Variants in LRP1B observed in about 807,000 individuals in gnomAD.
LRP1B encodes the protein low-density lipoprotein receptor-related protein 1B.
A neutral mutation model predicts 556.6 loss-of-function variants in LRP1B; 217 were observed. That is an observed-to-expected ratio of 0.39 (90% CI 0.35 to 0.44). The LOEUF is 0.44. LRP1B is among the 20% of genes least tolerant of loss of function. LRP1B has a pLI of 1.00. For synonymous variants in LRP1B, 2,047 were observed against 1,865.8 expected (o/e 1.10, Z -2.50); for missense variants, 5,053 against 5,620.8 (o/e 0.90, Z 3.23).
chr2:140,971,442 T>A, intron 18 of LRP1B, among the ~76,000 whole-genome samples: 1 of 152,240 alleles, frequency 6.6e-6, no homozygotes, highest in East Asian at 1.9e-4. Context: ...TTCTGTTGTT[T>A]TAAGCCACCA....
At chr2:142,058,544 T>C (rs75392296) in intron 1 of LRP1B, among the ~76,000 whole-genome samples, 1,936 of 151,908 alleles carry the variant, frequency 0.013, 44 homozygotes, top group African/African-American at 0.044. Flanking sequence ...CGTTATGAGG[T>C]TTTTTTTGCA....
intron 20 of LRP1B, among the ~76,000 whole-genome samples, chr2:140,937,178 C>T (rs1435427586): frequency 1.3e-5 from 2 of 151,930 alleles, no homozygotes; most frequent in African/African-American, 4.8e-5. Context: ...GGCAGTAATG[C>T]AGGAATTGAG....
At chr2:140,445,395 G>A (rs760499864) in intron 63 of LRP1B, among the ~76,000 whole-genome samples, 42 of 152,072 alleles carry the variant, frequency 2.8e-4, no homozygotes, top group Admixed American at 2.4e-3. Context: ...GATTACAGGC[G>A]TGAGTCACTG....
chr2:141,145,922 C>CTTTCT (rs1305781791), intron 7 of LRP1B, among the ~76,000 whole-genome samples: 44 of 67,218 alleles, frequency 6.5e-4, no homozygotes, highest in African/African-American at 2.8e-3. Context: ...TTCTTTCTTT[C>CTTTCT]TTTTTTTTTT....
At chr2:140,997,549 C>T (rs1444534761) in intron 15 of LRP1B, among the ~76,000 whole-genome samples, 1 of 151,766 alleles carries the variant, frequency 6.6e-6, no homozygotes, top group Non-Finnish European at 1.5e-5. Flanking sequence ...GTGATCTATT[C>T]TAAATTAATT....
At chr2:140,298,994 A>C (rs1050839415) in intron 83 of LRP1B, among the ~76,000 whole-genome samples, 2 of 152,124 alleles carry the variant, frequency 1.3e-5, no homozygotes, top group Non-Finnish European at 2.9e-5. Flanking sequence ...GACTCAGACA[A>C]TATCACTCAG....
chr2:140,381,178 A>G (rs1558842675), intron 67 of LRP1B, among the ~76,000 whole-genome samples: 2 of 152,230 alleles, frequency 1.3e-5, no homozygotes, highest in East Asian at 1.9e-4. Context: ...TTACCACGGA[A>G]AGCCCTAAGG....
chr2:140,807,563 G>A (rs1474515599), intron 32 of LRP1B, among the ~76,000 whole-genome samples: 1 of 148,074 alleles, frequency 6.8e-6, no homozygotes, highest in Admixed American at 6.9e-5. Context: ...ATCTTGGCCA[G>A]GCTGGTCTTG....
At chr2:141,786,918 AG>A (rs1303038333) in intron 2 of LRP1B, among the ~76,000 whole-genome samples, 1 of 151,940 alleles carries the variant, frequency 6.6e-6, no homozygotes, top group African/African-American at 2.4e-5. Context: ...TTTCTCCTTT[AG>A]TATTTTGATA....
At chr2:140,624,229 A>C (rs516729) in intron 41 of LRP1B, among the ~76,000 whole-genome samples, 75,984 of 151,374 alleles carry the variant, frequency 0.5, 19,590 homozygotes, top group African/African-American at 0.62. Flanking sequence ...TGCCAGGAAG[A>C]CTTTAGGCCT....
intron 86 of LRP1B, among the ~76,000 whole-genome samples, chr2:140,268,319 T>A (rs1034338361): frequency 6.6e-6 from 1 of 152,008 alleles, no homozygotes; most frequent in Non-Finnish European, 1.5e-5. Context: ...AACCTTTTGA[T>A]GTAGAGTCCC....
intron 2 of LRP1B, among the ~76,000 whole-genome samples, chr2:141,597,386 C>G (rs1687562344): frequency 6.6e-6 from 1 of 152,018 alleles, no homozygotes; most frequent in African/African-American, 2.4e-5. Flanking sequence ...GTAACTAAGG[C>G]ATTGTCTTCA....
At chr2:141,830,967 T>C (rs1697095074) in intron 1 of LRP1B, among the ~76,000 whole-genome samples, 2 of 151,760 alleles carry the variant, frequency 1.3e-5, no homozygotes, top group Non-Finnish European at 3.0e-5. Context: ...TGCTATTGAA[T>C]ACTGTGCTAT....
chr2:141,298,211 A>G (rs1686254261), intron 3 of LRP1B, among the ~76,000 whole-genome samples: 1 of 152,190 alleles, frequency 6.6e-6, no homozygotes, highest in South Asian at 2.1e-4. Context: ...TGACTATAGA[A>G]AGTGTTTGGA....
chr2:141,808,138 A>G (rs16847181), intron 2 of LRP1B, among the ~76,000 whole-genome samples: 3,288 of 152,094 alleles, frequency 0.022, 117 homozygotes, highest in East Asian at 0.16. Context: ...GGAGACTCCA[A>G]CCTAGATGTG....
intron 77 of LRP1B, among the ~76,000 whole-genome samples, chr2:140,348,366 A>G (rs1178463857): frequency 1.3e-5 from 2 of 152,052 alleles, no homozygotes; most frequent in Admixed American, 6.6e-5. Context: ...AAAATAATGT[A>G]TTGGCTAGTA....
At chr2:142,053,493 T>TAC (rs1009447481) in intron 1 of LRP1B, among the ~76,000 whole-genome samples, 4 of 152,122 alleles carry the variant, frequency 2.6e-5, no homozygotes, top group Admixed American at 6.5e-5. Context: ...TATATATATA[T>TAC]ACACACATGT....
intron 7 of LRP1B, among the ~76,000 whole-genome samples, chr2:141,148,406 T>C (rs1701838361): frequency 6.6e-6 from 1 of 152,180 alleles, no homozygotes; most frequent in African/African-American, 2.4e-5. Flanking sequence ...GGGGAATTAA[T>C]CTACAGGAGG....
At chr2:140,612,562 G>A (rs1386882256) in intron 41 of LRP1B, among the ~76,000 whole-genome samples, 3 of 151,898 alleles carry the variant, frequency 2.0e-5, no homozygotes, top group Middle Eastern at 3.2e-3. Flanking sequence ...CCTCCTTTGC[G>A]TTTAAGCTTG....
Sources: gnomAD v4.1 joint callset for allele counts (sites outside exome capture counted in the v4.1 genomes callset) on GRCh38, gnomAD v4.1.1 for gene constraint, MANE v1.5 for transcripts, NCBI Gene and HGNC (gene_info 2026-07-23, HGNC 2026-07-21) for gene names.